Variants in SH3KBP1 observed in about 807,000 individuals in gnomAD.
SH3KBP1 encodes SH3 domain containing kinase binding protein 1, also known as SH3 domain-containing kinase-binding protein 1.
SH3KBP1 carries 8 observed loss-of-function variants against 50.1 expected under a neutral mutation model. The observed-to-expected ratio is 0.16, with a 90% CI of 0.09 to 0.29. SH3KBP1 has a LOEUF of 0.29. Ranked by LOEUF, SH3KBP1 falls within the 10% of genes least tolerant of loss-of-function variation. The pLI, the probability that SH3KBP1 is intolerant of heterozygous loss-of-function variation, is 1.00. For missense variants in SH3KBP1, 377 were observed against 535.2 expected (o/e 0.70, Z 2.92); for synonymous variants, 227 against 218.6 (o/e 1.04, Z -0.34).
intron 5 of SH3KBP1, among the ~76,000 whole-genome samples, chrX:19,694,243 T>A (rs1292286795): frequency 1.8e-5 from 2 of 112,367 alleles, no homozygotes; most frequent in African/African-American, 3.2e-5. Flanking sequence ...ATTGTTATTA[T>A]GGGATCTAAT....
At chrX:19,835,397 CCAAAGTGCTGGGAT>C (rs1307008777) in intron 2 of SH3KBP1, among the ~76,000 whole-genome samples, 1 of 111,139 alleles carries the variant, frequency 9.0e-6, no homozygotes, top group Non-Finnish European at 1.9e-5. Context: ...CCTCAACCTC[CCAAAGTGCTGGGAT>C]TATAGGCATG....
intron 3 of SH3KBP1, among the ~76,000 whole-genome samples, chrX:19,730,238 A>G (rs2064337443): frequency 8.9e-6 from 1 of 111,793 alleles, no homozygotes; most frequent in Non-Finnish European, 1.9e-5. Context: ...CACTTTGAGC[A>G]GCCAAGTTGG....
intron 13 of SH3KBP1, among the ~76,000 whole-genome samples, chrX:19,557,332 T>C (rs184635952): frequency 4.6e-4 from 52 of 112,545 alleles, no homozygotes; most frequent in African/African-American, 1.6e-3. Context: ...AAGAGAATGT[T>C]TGGCTATTTG....
intron 2 of SH3KBP1, among the ~76,000 whole-genome samples, chrX:19,812,231 A>G (rs2067225773): frequency 9.0e-6 from 1 of 111,678 alleles, no homozygotes; most frequent in Non-Finnish European, 1.9e-5. Context: ...TAGACAGCTA[A>G]GAGCAAAAAC....
At chrX:19,568,965 C>A (rs775251441) in intron 13 of SH3KBP1, 138 bp downstream of exon 13, 2 of 511,414 alleles carry the variant, frequency 3.9e-6, no homozygotes, top group African/African-American at 4.6e-5. Context: ...AAAACTGTAA[C>A]ACCTAAAGCC....
chrX:19,542,709 C>T (rs1369243712), intron 15 of SH3KBP1, among the ~76,000 whole-genome samples: 1 of 111,387 alleles, frequency 9.0e-6, no homozygotes, highest in African/African-American at 3.3e-5. Context: ...TGGAGGAGGA[C>T]CAAGAAGTAG....
At chrX:19,624,476 C>T (rs1004561691) in intron 8 of SH3KBP1, among the ~76,000 whole-genome samples, 3 of 111,687 alleles carry the variant, frequency 2.7e-5, no homozygotes, top group Non-Finnish European at 5.6e-5. Flanking sequence ...GCTGCAAGCT[C>T]ATCTGTCCAT....
intron 1 of SH3KBP1, among the ~76,000 whole-genome samples, chrX:19,847,768 C>A (rs905878758): frequency 8.9e-6 from 1 of 111,985 alleles, no homozygotes; most frequent in African/African-American, 3.3e-5. Context: ...TAATATTGAA[C>A]AATAATTTGA....
chrX:19,582,302 C>T (rs1202024157), intron 12 of SH3KBP1, among the ~76,000 whole-genome samples: 2 of 112,023 alleles, frequency 1.8e-5, no homozygotes, highest in Non-Finnish European at 3.8e-5. Flanking sequence ...GTCAAACCCT[C>T]TTGTCACTAT....
intron 3 of SH3KBP1, among the ~76,000 whole-genome samples, chrX:19,731,670 G>A: frequency 1.8e-5 from 2 of 112,023 alleles, no homozygotes; most frequent in East Asian, 5.6e-4. Context: ...AACTTAATAA[G>A]TTAGTTCTCC....
intron 7 of SH3KBP1, among the ~76,000 whole-genome samples, chrX:19,636,159 AG>A (rs201812798): frequency 9.0e-6 from 1 of 110,705 alleles, no homozygotes; most frequent in Non-Finnish European, 1.9e-5. Flanking sequence ...AGAGAGAGAG[AG>A]AAAAAATAAA....
At chrX:19,587,525 AG>A (rs778248840) in intron 12 of SH3KBP1, among the ~76,000 whole-genome samples, 2 of 112,459 alleles carry the variant, frequency 1.8e-5, no homozygotes, top group South Asian at 7.3e-4. Flanking sequence ...TGTCTTTAAG[AG>A]AGTAAATGAG....
rs996564901 is a variant in SH3KBP1 at position 19,632,095 on chromosome X, G to C, written c.803-137C>G. The C allele has an allele frequency of 1.0e-4, 36 of 353,516 alleles. No individual in the cohort carries two copies. In the East Asian group the frequency reaches 1.7e-3, roughly 16 times the overall value. 29.1% of individuals were successfully genotyped at this position (353,516 alleles called of 1,213,427 possible). A position where few individuals can be genotyped will look rare whatever the true frequency, so the allele number is the denominator to read the frequency against. On this transcript the variant is annotated intron_variant, in intron 7 of 17. Transcript: ENST00000397821. ...GCATATTACTGCTGCATGAAGAAAG[G>C]GTGACCCTCAGAAAATGACCCGAGA... is the stretch of plus-strand genomic sequence containing the variant.
At chrX:19,814,724 T>C (rs2067305486) in intron 2 of SH3KBP1, among the ~76,000 whole-genome samples, 1 of 111,414 alleles carries the variant, frequency 9.0e-6, no homozygotes, top group Non-Finnish European at 1.9e-5. Context: ...CCAACATTCA[T>C]CTTCCCCTCC....
At chrX:19,860,891 T>C (rs2068759907) in intron 1 of SH3KBP1, among the ~76,000 whole-genome samples, 1 of 111,749 alleles carries the variant, frequency 8.9e-6, no homozygotes, top group Non-Finnish European at 1.9e-5. Context: ...TAGTATAGCA[T>C]AGTATAGTAT....
At chrX:19,608,461 C>T (rs1468200410) in intron 8 of SH3KBP1, among the ~76,000 whole-genome samples, 3 of 109,347 alleles carry the variant, frequency 2.7e-5, no homozygotes, top group African/African-American at 6.7e-5. Context: ...GCACGTGCCA[C>T]AATGCCTGGC....
chrX:19,672,278 A>C (rs146194810), intron 6 of SH3KBP1, among the ~76,000 whole-genome samples: 11,836 of 111,515 alleles, frequency 0.11, 630 homozygotes, highest in Non-Finnish European at 0.15. Flanking sequence ...AAGGATTCCA[A>C]ATCATTTCTT....
At chrX:19,606,991 G>A (rs1488661066) in intron 9 of SH3KBP1, among the ~76,000 whole-genome samples, 2 of 112,937 alleles carry the variant, frequency 1.8e-5, no homozygotes, top group East Asian at 5.5e-4. Context: ...TCTATGGGCC[G>A]TAATCTTGGC....
chrX:19,612,010 A>G (rs2067442479), intron 8 of SH3KBP1, among the ~76,000 whole-genome samples: 2 of 108,742 alleles, frequency 1.8e-5, no homozygotes, highest in African/African-American at 6.7e-5. Context: ...AGAGTCTGCT[A>G]TAAGACAGAA....
Sources: allele counts gnomAD v4.1 joint callset (sites outside exome capture counted in the v4.1 genomes callset), GRCh38; gene constraint gnomAD v4.1.1; transcripts MANE v1.5; gene names NCBI Gene and HGNC (gene_info 2026-07-23, HGNC 2026-07-21).